CCDC13: variants seen among roughly 807,000 people sequenced by gnomAD.
CCDC13 encodes the protein coiled-coil domain containing 13.
CCDC13 carries 70 observed loss-of-function variants against 87.3 expected under a neutral mutation model. The observed-to-expected ratio is 0.80, with a 90% CI of 0.66 to 0.98. The LOEUF is 0.98. Among genes scored for constraint, CCDC13 ranks in the 50% least tolerant of loss-of-function variants. The probability of loss-of-function intolerance (pLI) is 0.00; values close to 1 mark genes in which losing one functional copy is unlikely to be tolerated. For synonymous variants in CCDC13, 317 were observed against 360.3 expected, an observed-to-expected ratio of 0.88 and a Z score of 1.36; for missense variants, 842 against 892.0, an observed-to-expected ratio of 0.94 and a Z score of 0.71.
At chr3:42,730,312 A>G (rs1359785384) in intron 13 of CCDC13, among the ~76,000 whole-genome samples, 155 bp downstream of exon 13, 2 of 152,030 alleles carry the variant, frequency 1.3e-5, no homozygotes, top group African/African-American at 4.8e-5. Flanking sequence ...CAAGGCCCCA[A>G]GGTTGTGGGG....
chr3:42,714,901 G>T (rs186585553), intron 13 of CCDC13, among the ~76,000 whole-genome samples: 2 of 152,322 alleles, frequency 1.3e-5, no homozygotes, highest in African/African-American at 4.8e-5. Context: ...CAAGTAAGTG[G>T]TAACATATTC....
intron 13 of CCDC13, among the ~76,000 whole-genome samples, chr3:42,724,433 C>T (rs1013282192): frequency 6.6e-5 from 10 of 152,218 alleles, no homozygotes; most frequent in African/African-American, 2.4e-4. Flanking sequence ...CTCTCCAGAC[C>T]TGAGGCTGCT....
intron 13 of CCDC13, among the ~76,000 whole-genome samples, chr3:42,728,058 G>A (rs1698731119): frequency 6.6e-6 from 1 of 152,208 alleles, no homozygotes; most frequent in African/African-American, 2.4e-5. Flanking sequence ...AGTGACTTTT[G>A]TCATGGTGGA....
At chr3:42,734,937 G>C (rs531121728) in intron 10 of CCDC13, among the ~76,000 whole-genome samples, 131 of 152,366 alleles carry the variant, frequency 8.6e-4, no homozygotes, top group Non-Finnish European at 1.4e-3. Flanking sequence ...AGCATCTACT[G>C]TGTGCTTGCT....
chr3:42,734,262 C>T (rs911441919), intron 10 of CCDC13, among the ~76,000 whole-genome samples: 3 of 152,192 alleles, frequency 2.0e-5, no homozygotes, highest in African/African-American at 7.2e-5. Context: ...TGAGAAAACT[C>T]GAAACGTGTG....
At position 42,752,526 on chromosome 3, in the gene CCDC13, G is replaced by C. The variant is rs1156905149; in HGVS notation, c.513+49C>G. 1.9e-6 allele frequency: 3 copies of C among 1,610,094 alleles called. No homozygotes were observed. The East Asian group carries it at 6.7e-5, about 36-fold the overall frequency. On this transcript the variant is annotated intron_variant, in intron 4 of 15. Transcript: ENST00000310232. ...GGAGAAGCTAGGGAGGTTCCCTCTT[G>C]CCCATGCTAGGAGTCCCCTCCAGAG...
At chr3:42,730,344 T>C (rs1353599232) in intron 13 of CCDC13, 123 bp downstream of exon 13, 9 of 1,366,656 alleles carry the variant, frequency 6.6e-6, no homozygotes, top group Non-Finnish European at 8.9e-6. Context: ...TGGCTAGGAA[T>C]GCCCTGGACC....
At chr3:42,733,787 T>C (rs1698908507) in intron 10 of CCDC13, 178 bp from the exon 11 acceptor site, 1 of 268,794 alleles carries the variant, frequency 3.7e-6, no homozygotes, top group Non-Finnish European at 5.7e-6. Context: ...TGACATCTAA[T>C]AATGCCTCTC....
rs573550552 is a variant in CCDC13 at position 42,756,825 on chromosome 3, C to T, written c.370+241G>A. Among the ~76,000 whole-genome samples, 14 of 152,212 alleles carry T rather than the reference C, an allele frequency of 9.2e-5. No homozygotes were observed. The South Asian group carries it at 1.0e-3, about 11-fold the overall frequency. On this transcript the variant is annotated intron_variant, in intron 3 of 15. Coordinates refer to ENST00000310232, the MANE Select transcript of CCDC13 (RefSeq NM_144719.4). ...TGCCTATGATGCTTGCCTGCTGGCC[C>T]TTCTGGCCCATTTTTAAATCCCTCA...
chr3:42,751,935 C>T lies in CCDC13; in HGVS notation c.603+1G>A, dbSNP rs1434611123. On this transcript the variant is annotated splice_donor_variant, in intron 5 of 15. Coordinates refer to ENST00000310232, the MANE Select transcript of CCDC13 (RefSeq NM_144719.4). LOFTEE classifies it high-confidence loss of function. ...TTCCCAGCACAGAAGAGAATTCATA[C>T]CAATGCTCTGTCTCCCATCTGGGCC... 6.2e-7 allele frequency: 1 copy of T among 1,611,486 alleles called. No individual in the cohort carries two copies. The highest frequency in any genetic ancestry group is 8.5e-7 in the Non-Finnish European group (1 of 1,179,304).
intron 1 of CCDC13, among the ~76,000 whole-genome samples, chr3:42,761,530 T>C (rs1414800162): frequency 2.0e-5 from 3 of 152,226 alleles, no homozygotes; most frequent in African/African-American, 7.2e-5. Flanking sequence ...TGGCAGGCAC[T>C]GTGTTGTTCA....
chr3:42,706,231 C>T lies in CCDC13; in HGVS notation c.*2749G>A, dbSNP rs1264921247. 6.6e-6 allele frequency: 1 copy of T among 152,302 alleles called. No individual in the cohort carries two copies. The highest frequency in any genetic ancestry group is 6.5e-5 in the Admixed American group (1 of 15,284). 9.4% of individuals were successfully genotyped at this position (152,302 alleles called of 1,614,324 possible). On this transcript the variant is annotated 3_prime_UTR_variant, in exon 16 of 16. Transcript: ENST00000310232. ...GACCTGTGACCAGTCTGTCTCTCTCCTCAGCTGATCTGAGAGTTCCTGGAG... is the reference window on the plus strand; with the variant it reads ...GACCTGTGACCAGTCTGTCTCTCTCTTCAGCTGATCTGAGAGTTCCTGGAG...
chr3:42,712,713 C>T (rs140668135), intron 14 of CCDC13, among the ~76,000 whole-genome samples: 51 of 152,286 alleles, frequency 3.3e-4, no homozygotes, highest in African/African-American at 1.0e-3. Context: ...GCTTGGGTCC[C>T]CAAACCTCTG....
At chr3:42,709,954 C>T (rs973965266) in intron 14 of CCDC13, among the ~76,000 whole-genome samples, 156 bp from the exon 15 acceptor site, 12 of 152,046 alleles carry the variant, frequency 7.9e-5, no homozygotes, top group East Asian at 3.9e-4. Flanking sequence ...TGCCTCCCTC[C>T]GAAGCCCTCC....
intron 13 of CCDC13, among the ~76,000 whole-genome samples, chr3:42,726,608 G>A (rs1206037351): frequency 1.3e-5 from 2 of 151,946 alleles, no homozygotes; most frequent in Non-Finnish European, 2.9e-5. Flanking sequence ...TCCTTGGATT[G>A]AAAAAGAACA....
intron 5 of CCDC13, among the ~76,000 whole-genome samples, chr3:42,748,639 T>C (rs1699486726): frequency 1.3e-5 from 2 of 152,332 alleles, no homozygotes; most frequent in South Asian, 2.1e-4. Flanking sequence ...TGAAAACCAC[T>C]GGCCAAAGAA....
Position 42,739,697 on chromosome 3 carries a change from C to G in CCDC13, c.1101G>C (p.Lys367Asn), listed in dbSNP as rs776452879. 6 of 1,614,232 alleles carry G rather than the reference C, an allele frequency of 3.7e-6. No individual in the cohort carries two copies. In the South Asian group the frequency reaches 6.6e-5, roughly 18 times the overall value. The change falls in exon 9 of 16, where the codon AAG (lysine) becomes AAC (asparagine). Residue 367 changes from lysine to asparagine, a missense_variant. Transcript: ENST00000310232. ...TCTCCACCAGGGTTCCCATCTGACT[C>G]TTGAGGGTCTTCATCTCACTTGACA... ...KLLSSEMKTL[K>N]SQMGTLVEKG...
At chr3:42,709,652 T>C in intron 15 of CCDC13, 32 bp downstream of exon 15, 2 of 1,568,380 alleles carry the variant, frequency 1.3e-6, no homozygotes, top group Non-Finnish European at 1.8e-6. Context: ...CAGACAACCC[T>C]ACCCTTTCAG....
chr3:42,762,310 C>T (rs1222372683), intron 1 of CCDC13, among the ~76,000 whole-genome samples: 2 of 152,368 alleles, frequency 1.3e-5, no homozygotes, highest in East Asian at 1.9e-4. Flanking sequence ...CACACCCGCA[C>T]ATTCCAAAAA....
Sources: gnomAD v4.1 joint callset for allele counts (sites outside exome capture counted in the v4.1 genomes callset) on GRCh38, gnomAD v4.1.1 for gene constraint, MANE v1.5 for transcripts, NCBI Gene and HGNC (gene_info 2026-07-23, HGNC 2026-07-21) for gene names.